Variants in FHIT observed in about 807,000 individuals in gnomAD.
FHIT encodes fragile histidine triad diadenosine triphosphatase, also known as bis(5'-adenosyl)-triphosphatase.
A neutral mutation model predicts 17.9 loss-of-function variants in FHIT; 19 were observed. The ratio of observed to expected loss-of-function variants is 1.06; its 90% CI spans 0.74 to 1.56. FHIT has a LOEUF of 1.56. FHIT is among the 40% of genes most tolerant of loss of function. The probability of loss-of-function intolerance (pLI) is 0.00; values close to 1 mark genes in which losing one functional copy is unlikely to be tolerated. For synonymous variants in FHIT, 81 were observed against 69.7 expected, an observed-to-expected ratio of 1.16 and a Z score of -0.81; for missense variants, 248 against 189.2, an observed-to-expected ratio of 1.31 and a Z score of -1.82.
rs1015115899 is a variant in FHIT at position 61,169,767 on chromosome 3, C to G, written c.-164+30850G>C. ...AGGAAGACTTTATTAAGGACTATTG[C>G]AATAGCAGTATTGCAACAGGGGAGA... On this transcript the variant is annotated intron_variant, in intron 2 of 9. Coordinates refer to ENST00000492590, the MANE Select transcript of FHIT (RefSeq NM_002012.4). Among the ~76,000 whole-genome samples, 46 of 152,222 alleles carry G rather than the reference C, an allele frequency of 3.0e-4. No homozygotes were observed. In the East Asian group the frequency reaches 3.9e-3, roughly 13 times the overall value.
At chr3:60,664,970 T>A (rs1341536488) in intron 4 of FHIT, among the ~76,000 whole-genome samples, 2 of 151,988 alleles carry the variant, frequency 1.3e-5, no homozygotes, top group Admixed American at 1.3e-4. Context: ...TTTATTCTTT[T>A]ATCCTTATTA....
intron 2 of FHIT, among the ~76,000 whole-genome samples, chr3:61,192,217 A>C (rs2038737958): frequency 6.6e-6 from 1 of 152,190 alleles, no homozygotes; most frequent in Non-Finnish European, 1.5e-5. Context: ...AATTAACAAA[A>C]CTTGAAACTG....
chr3:60,196,654 G>A (rs559110120), intron 5 of FHIT, among the ~76,000 whole-genome samples: 76 of 152,098 alleles, frequency 5.0e-4, no homozygotes, highest in Non-Finnish European at 8.4e-4. Flanking sequence ...AAGTGCAGAC[G>A]GAAGCAGCAA....
chr3:61,044,015 C>G (rs2033658835), intron 2 of FHIT, among the ~76,000 whole-genome samples: 1 of 152,154 alleles, frequency 6.6e-6, no homozygotes, highest in South Asian at 2.1e-4. Context: ...CATAAAACCA[C>G]AAAGATGGGG....
intron 4 of FHIT, among the ~76,000 whole-genome samples, chr3:60,679,245 C>T (rs1735445): frequency 0.9 from 136,569 of 152,224 alleles, 61,323 homozygotes; most frequent in Non-Finnish European, 0.91. Flanking sequence ...GATAAGAATC[C>T]GTCCAACTGG....
chr3:60,123,966 A>AT (rs1285746771), intron 5 of FHIT, among the ~76,000 whole-genome samples: 754 of 47,750 alleles, frequency 0.016, 23 homozygotes, highest in African/African-American at 0.02. Context: ...AATGCACTAA[A>AT]AATATATATA....
In FHIT at chr3:61,049,195, C is replaced by T. The variant is rs546319396; in HGVS notation, c.-163-7096G>A. On this transcript the variant is annotated intron_variant, in intron 2 of 9. Transcript: ENST00000492590. ...GACACATGCATGAAAACTCATTAGACGTTAATGAATGAATGCCTAATAACT... is the reference window on the plus strand; with the variant it reads ...GACACATGCATGAAAACTCATTAGATGTTAATGAATGAATGCCTAATAACT... Among the ~76,000 whole-genome samples the T allele has an allele frequency of 8.6e-5, 13 of 150,722 alleles. No homozygotes were observed. The South Asian group carries it at 1.7e-3, about 20-fold the overall frequency.
At chr3:60,045,063 A>C (rs34476175) in intron 5 of FHIT, among the ~76,000 whole-genome samples, 63,908 of 151,958 alleles carry the variant, frequency 0.42, 14,475 homozygotes, top group Middle Eastern at 0.72. Context: ...AAAGAAAGAA[A>C]CAAAGATGGG....
At position 60,087,507 on chromosome 3, in the gene FHIT, T is replaced by C. The variant is rs184511441; in HGVS notation, c.104-73355A>G. On this transcript the variant is annotated intron_variant, in intron 5 of 9. Transcript: ENST00000492590. ...CGCTTTTAATTATAAATTACACCTT[T>C]AGATCTTTCCTTTGCTGCTTTAATT... Among the ~76,000 whole-genome samples, 640 of 152,312 alleles carry C rather than the reference T, an allele frequency of 4.2e-3. 2 individuals are homozygous for C. The highest frequency in any genetic ancestry group is 0.014 in the African/African-American group (597 of 41,578).
At chr3:60,372,761 G>T (rs538756262) in intron 5 of FHIT, among the ~76,000 whole-genome samples, 2 of 152,168 alleles carry the variant, frequency 1.3e-5, no homozygotes, top group African/African-American at 4.8e-5. Flanking sequence ...CCTTATCTAT[G>T]GCTCCTACTT....
chr3:60,893,353 A>G (rs930672023), intron 3 of FHIT, among the ~76,000 whole-genome samples: 1 of 152,230 alleles, frequency 6.6e-6, no homozygotes, highest in African/African-American at 2.4e-5. Context: ...CTAGTGACAC[A>G]TAAAACTTGT....
In FHIT at chr3:60,175,350, C is replaced by G. The variant is rs561216612; in HGVS notation, c.104-161198G>C. Reference sequence around the variant, plus strand: ...ATGTGGAATGCTGAATAGGGTGAACCCCCTGCTATTAGCCTGGAAATGATG... The same window carrying G: ...ATGTGGAATGCTGAATAGGGTGAACGCCCTGCTATTAGCCTGGAAATGATG... On this transcript the variant is annotated intron_variant, in intron 5 of 9. Coordinates refer to ENST00000492590, the MANE Select transcript of FHIT (RefSeq NM_002012.4). Among the ~76,000 whole-genome samples the G allele has an allele frequency of 4.6e-5, 7 of 152,152 alleles. No homozygotes were observed. In the South Asian group the frequency reaches 1.5e-3, roughly 32 times the overall value.
chr3:60,746,973 C>A, intron 4 of FHIT, among the ~76,000 whole-genome samples: 1 of 152,240 alleles, frequency 6.6e-6, no homozygotes, highest in East Asian at 1.9e-4. Flanking sequence ...ATTTATTGAA[C>A]CTACCAGATG....
In FHIT at chr3:60,684,002, A is replaced by C. The variant is rs73838369; in HGVS notation, c.-18+137917T>G. ...TCATTTAATCCTGGAAAAATGCTAT[A>C]AAGTAGCTAGCTGATTCTATCTTAC... is the stretch of plus-strand genomic sequence containing the variant. On this transcript the variant is annotated intron_variant, in intron 4 of 9. Coordinates refer to ENST00000492590, the MANE Select transcript of FHIT (RefSeq NM_002012.4). Among the ~76,000 whole-genome samples the C allele has an allele frequency of 3.0e-3, 462 of 152,216 alleles. 7 individuals are homozygous for C. The highest frequency in any genetic ancestry group is 0.011 in the African/African-American group (449 of 41,538).
At chr3:60,899,688 C>T (rs1553762732) in intron 3 of FHIT, among the ~76,000 whole-genome samples, 1 of 152,164 alleles carries the variant, frequency 6.6e-6, no homozygotes, top group Admixed American at 6.5e-5. Flanking sequence ...ATAATATGTG[C>T]AAAAGTGGCT....
chr3:60,244,010 C>CAGGA (rs1246542397), intron 5 of FHIT, among the ~76,000 whole-genome samples: 1 of 152,014 alleles, frequency 6.6e-6, no homozygotes, highest in Non-Finnish European at 1.5e-5. Flanking sequence ...ACAGGTCTTA[C>CAGGA]ACCATTCTCC....
At chr3:60,037,811 T>G (rs934936329) in intron 5 of FHIT, among the ~76,000 whole-genome samples, 1 of 152,008 alleles carries the variant, frequency 6.6e-6, no homozygotes, top group Non-Finnish European at 1.5e-5. Flanking sequence ...CCTCCCGGGT[T>G]CAAGCAATTC....
intron 8 of FHIT, among the ~76,000 whole-genome samples, chr3:59,776,745 C>T (rs1310203085): frequency 6.6e-6 from 1 of 152,188 alleles, no homozygotes; most frequent in Non-Finnish European, 1.5e-5. Context: ...CTTATGTGTG[C>T]TCAGCGCTGA....
At chr3:59,772,577 A>C (rs1702121771) in intron 8 of FHIT, among the ~76,000 whole-genome samples, 1 of 152,248 alleles carries the variant, frequency 6.6e-6, no homozygotes, top group African/African-American at 2.4e-5. Flanking sequence ...GCTGGGATGC[A>C]AATGCAGGCA....
Sources: allele counts gnomAD v4.1 joint callset (sites outside exome capture counted in the v4.1 genomes callset), GRCh38; gene constraint gnomAD v4.1.1; transcripts MANE v1.5; gene names NCBI Gene and HGNC (gene_info 2026-07-23, HGNC 2026-07-21).